Variants in GRM8 observed in about 807,000 individuals in gnomAD.
The protein encoded by GRM8 is metabotropic glutamate receptor 8.
Under a neutral mutation model 87.2 loss-of-function variants are expected in GRM8, and 47 were observed. The observed-to-expected ratio is 0.54, with a 90% CI of 0.43 to 0.69. The LOEUF is 0.69. Among genes scored for constraint, GRM8 ranks in the 30% least tolerant of loss-of-function variants. The pLI, the probability that GRM8 is intolerant of heterozygous loss-of-function variation, is 0.00. For synonymous variants in GRM8, 396 were observed against 404.5 expected (o/e 0.98, Z 0.25); for missense variants, 1,019 against 1,139.2 (o/e 0.89, Z 1.52).
At chr7:126,690,659 T>A (rs2151369074) in intron 7 of GRM8, among the ~76,000 whole-genome samples, 1 of 152,134 alleles carries the variant, frequency 6.6e-6, no homozygotes, top group East Asian at 1.9e-4. Flanking sequence ...GCCCCACCAT[T>A]TGGTGGGTCT....
chr7:126,749,639 C>T (rs1433615916), intron 7 of GRM8, among the ~76,000 whole-genome samples: 3 of 126,974 alleles, frequency 2.4e-5, no homozygotes, highest in Non-Finnish European at 3.7e-5. Flanking sequence ...CAAGGGGAAG[C>T]TGTAAATAAT....
chr7:126,832,151 C>G (rs770199267), intron 6 of GRM8, among the ~76,000 whole-genome samples: 2 of 145,452 alleles, frequency 1.4e-5, no homozygotes, highest in African/African-American at 5.1e-5. Flanking sequence ...AGAGTTAGTA[C>G]GCAACATAGT....
chr7:127,150,934 A>T (rs1032239057), intron 2 of GRM8, among the ~76,000 whole-genome samples: 1 of 152,118 alleles, frequency 6.6e-6, no homozygotes, highest in Non-Finnish European at 1.5e-5. Flanking sequence ...TGAGTCTATG[A>T]AATGCTGTCT....
intron 9 of GRM8, among the ~76,000 whole-genome samples, chr7:126,473,637 A>T (rs181029825): frequency 5.3e-5 from 8 of 152,278 alleles, no homozygotes; most frequent in Non-Finnish European, 1.0e-4. Context: ...GTTAGTTTTG[A>T]AATATGAGGA....
At chr7:127,057,371 G>T (rs1162558279) in intron 3 of GRM8, among the ~76,000 whole-genome samples, 4 of 151,978 alleles carry the variant, frequency 2.6e-5, no homozygotes, top group Non-Finnish European at 5.9e-5. Flanking sequence ...TCTGGAGAAG[G>T]TATTTAATAG....
At chr7:127,160,990 C>T (rs1012348169) in intron 2 of GRM8, among the ~76,000 whole-genome samples, 6 of 152,112 alleles carry the variant, frequency 3.9e-5, no homozygotes, top group African/African-American at 1.2e-4. Context: ...AAGAGAAAGA[C>T]AGTCAAGGAC....
At chr7:127,151,653 C>T (rs1828866079) in intron 2 of GRM8, among the ~76,000 whole-genome samples, 1 of 152,042 alleles carries the variant, frequency 6.6e-6, no homozygotes, top group Non-Finnish European at 1.5e-5. Context: ...CGGCTTTCTA[C>T]TGGGATTTTA....
At chr7:127,236,453 A>G (rs1343984491) in intron 2 of GRM8, among the ~76,000 whole-genome samples, 1 of 152,206 alleles carries the variant, frequency 6.6e-6, no homozygotes, top group East Asian at 1.9e-4. Context: ...AAGGCAAAGG[A>G]GAAGCAAGAA....
chr7:126,935,769 T>C (rs748436261), intron 3 of GRM8, among the ~76,000 whole-genome samples: 56 of 152,186 alleles, frequency 3.7e-4, no homozygotes, highest in Non-Finnish European at 7.8e-4. Context: ...CAGAAAACAA[T>C]ACATATGTAT....
At chr7:126,752,170 C>T (rs917420361) in intron 7 of GRM8, among the ~76,000 whole-genome samples, 4 of 152,056 alleles carry the variant, frequency 2.6e-5, no homozygotes, top group African/African-American at 7.2e-5. Flanking sequence ...GTGGCATGTG[C>T]CTGTATTCTC....
At chr7:126,592,816 C>T (rs772588789) in intron 8 of GRM8, among the ~76,000 whole-genome samples, 1 of 151,620 alleles carries the variant, frequency 6.6e-6, no homozygotes, top group Non-Finnish European at 1.5e-5. Context: ...AAGCAATAGG[C>T]AAGAGAAAGC....
intron 6 of GRM8, among the ~76,000 whole-genome samples, chr7:126,881,882 A>G (rs1800053997): frequency 6.6e-6 from 1 of 152,218 alleles, no homozygotes; most frequent in African/African-American, 2.4e-5. Flanking sequence ...TAAAAATTAT[A>G]TATGTATAAG....
intron 3 of GRM8, among the ~76,000 whole-genome samples, chr7:127,082,325 G>T (rs1308862145): frequency 6.6e-6 from 1 of 152,072 alleles, no homozygotes; most frequent in African/African-American, 2.4e-5. Context: ...TTGGTTATGT[G>T]GTATGGATTC....
At chr7:127,187,250 C>G (rs998758924) in intron 2 of GRM8, among the ~76,000 whole-genome samples, 1 of 152,100 alleles carries the variant, frequency 6.6e-6, no homozygotes, top group African/African-American at 2.4e-5. Context: ...AAAAGAACAT[C>G]GTTTAATATC....
intron 3 of GRM8, among the ~76,000 whole-genome samples, chr7:127,030,303 A>G (rs17868720): frequency 1.2e-5 from 1 of 81,456 alleles, no homozygotes; most frequent in Non-Finnish European, 2.5e-5. Flanking sequence ...CAGAAGGTTC[A>G]CCCCTCCCAG....
In GRM8 at chr7:126,685,868, C is replaced by G. The variant is rs1043127558; in HGVS notation, c.1358-76370G>C. On this transcript the variant is annotated intron_variant, in intron 7 of 10. Transcript: ENST00000339582. The surrounding 1 kb of genome is among the most constrained non-coding windows in gnomAD (Gnocchi z 4.2). The stretch of plus-strand genomic sequence containing the variant: ...CCTTCAAGCTGAGGAGGGCCTGAAC[C>G]CTGGGGGCTGGGAGCCATTCCCGCA... Among the ~76,000 whole-genome samples the G allele has an allele frequency of 6.6e-6, 1 of 151,984 alleles. No individual in the cohort carries two copies. The highest frequency in any genetic ancestry group is 2.4e-5 in the African/African-American group (1 of 41,398).
chr7:126,650,149 A>G (rs147216790), intron 7 of GRM8, among the ~76,000 whole-genome samples: 1 of 152,160 alleles, frequency 6.6e-6, no homozygotes, highest in African/African-American at 2.4e-5. Flanking sequence ...TGACCCACCT[A>G]CTCACAAAGT....
intron 9 of GRM8, among the ~76,000 whole-genome samples, chr7:126,528,276 T>C (rs1814217979): frequency 6.6e-6 from 1 of 152,142 alleles, no homozygotes; most frequent in Non-Finnish European, 1.5e-5. Flanking sequence ...TGCTCAGATA[T>C]GGTCTAAATG....
intron 9 of GRM8, among the ~76,000 whole-genome samples, chr7:126,485,264 C>T (rs1462166743): frequency 1.6e-5 from 2 of 128,646 alleles, no homozygotes; most frequent in East Asian, 4.4e-4. Context: ...TAACACATGA[C>T]CCAGATTTGG....
Sources: allele counts gnomAD v4.1 joint callset (sites outside exome capture counted in the v4.1 genomes callset), GRCh38; gene constraint gnomAD v4.1.1; non-coding constraint Gnocchi (gnomAD v3.1); transcripts MANE v1.5; gene names NCBI Gene and HGNC (gene_info 2026-07-23, HGNC 2026-07-21).